The following VWF variants were observed in gnomAD, a reference collection of about 807,000 sequenced individuals.
VWF encodes the protein von Willebrand factor.
A neutral mutation model predicts 308.6 loss-of-function variants in VWF; 176 were observed. The observed-to-expected ratio is 0.57, with a 90% CI of 0.50 to 0.65. The LOEUF (loss-of-function observed/expected upper bound fraction) is 0.65, where lower values mean the gene tolerates loss of function less well. Among genes scored for constraint, VWF ranks in the 30% least tolerant of loss-of-function variants. The probability of loss-of-function intolerance (pLI) is 0.00; values close to 1 mark genes in which losing one functional copy is unlikely to be tolerated. For synonymous variants in VWF, 1,385 were observed against 1,443.4 expected (o/e 0.96, Z 0.92); for missense variants, 3,146 against 3,648.2 (o/e 0.86, Z 3.55).
rs1200446721 is a variant in VWF at position 6,036,353 on chromosome 12, C to T, written c.2546+35G>A. 4 of 1,605,440 alleles carry T rather than the reference C, an allele frequency of 2.5e-6. No individual in the cohort carries two copies. The African/African-American group carries it at 5.4e-5, about 21-fold the overall frequency. On this transcript the variant is annotated intron_variant, in intron 19 of 51. Coordinates refer to ENST00000261405, the MANE Select transcript of VWF (RefSeq NM_000552.5). ...TGCACCCTCACTCCACCCGCAGGGCCTGGGTCCCCGGCGCAGCCCCTCACT... is the reference window on the plus strand; with the variant it reads ...TGCACCCTCACTCCACCCGCAGGGCTTGGGTCCCCGGCGCAGCCCCTCACT...
intron 43 of VWF, among the ~76,000 whole-genome samples, chr12:5,972,500 G>C (rs936164429): frequency 2.0e-5 from 3 of 152,176 alleles, no homozygotes; most frequent in African/African-American, 7.2e-5. Flanking sequence ...GAGAGAAAGA[G>C]TAACCACAGC....
intron 20 of VWF, among the ~76,000 whole-genome samples, chr12:6,034,191 C>T (rs577813224): frequency 6.6e-6 from 1 of 152,214 alleles, no homozygotes; most frequent in East Asian, 1.9e-4. Flanking sequence ...AAAGCCATAT[C>T]GTGGGAAGCA....
chr12:6,043,464 C>G (rs1944413878), intron 18 of VWF, among the ~76,000 whole-genome samples: 1 of 152,222 alleles, frequency 6.6e-6, no homozygotes, highest in African/African-American at 2.4e-5. Context: ...CCTCACCATT[C>G]ACTTTGGGTA....
intron 18 of VWF, among the ~76,000 whole-genome samples, chr12:6,042,655 T>C (rs1179741502): frequency 6.6e-6 from 1 of 152,206 alleles, no homozygotes; most frequent in Admixed American, 6.5e-5. Context: ...GGTATCCAAG[T>C]GCTGTCCTCA....
chr12:6,038,758 A>G (rs1416812291), intron 18 of VWF, among the ~76,000 whole-genome samples: 2 of 152,266 alleles, frequency 1.3e-5, no homozygotes, highest in African/African-American at 4.8e-5. Context: ...CTTGATATTA[A>G]GTGAGGACTG....
rs780957241 is a variant in VWF, at chr12:6,056,888, C to T, written c.1914G>A (p.Val638=). 2 of 1,509,508 alleles carry T rather than the reference C, an allele frequency of 1.3e-6. No homozygotes were observed. The highest frequency in any genetic ancestry group is 2.5e-5 in the South Asian group (2 of 80,586). 93.5% of individuals were successfully genotyped at this position (1,509,508 alleles called of 1,614,324 possible). A position where few individuals can be genotyped will look rare whatever the true frequency, so the allele number is the denominator to read the frequency against. The change falls in exon 15 of 52, where the codon GTG becomes GTA. Residue 638 remains valine (V), a synonymous_variant. Transcript: ENST00000261405. Reference sequence around the variant, plus strand: ...GGCCTGGCTCGCGCCACGCGACGCGCACGCCTCTCCCCGCGCAGGCCGCGG... The same window carrying T: ...GGCCTGGCTCGCGCCACGCGACGCGTACGCCTCTCCCCGCGCAGGCCGCGG... ...SYAAACAGRG[V]RVAWREPGRC...
rs1195230967 is a variant in VWF at position 6,016,623 on chromosome 12, T to C, written c.5204A>G (p.Tyr1735Cys). The C allele has an allele frequency of 1.2e-6, 2 of 1,614,156 alleles. No homozygotes were observed. Among genetic ancestry groups the C allele is most frequent in the Admixed American group, 3.3e-5 (2 of 60,020 alleles). The change falls in exon 30 of 52, where the codon TAT becomes TGT. Residue 1735 changes from tyrosine to cysteine, a missense_variant. By Grantham distance (194) the Tyr-to-Cys change is radical (BLOSUM62 -2). Around this residue, in one of 3 missense-constraint regions of VWF, gnomAD observed 853 missense variants for 1,177.8 expected, o/e 0.72. Transcript: ENST00000261405. Reference sequence around the variant, plus strand: ...CACGTCAATGGTGGTGATGCTTCCATACTGCAGCACTGACACCTGAGTGAG... The same window carrying C: ...CACGTCAATGGTGGTGATGCTTCCACACTGCAGCACTGACACCTGAGTGAG... ...PRLTQVSVLQ[Y>C]GSITTIDVPW...
chr12:5,975,270 T>A (rs1162028197), intron 43 of VWF, among the ~76,000 whole-genome samples: 1 of 152,248 alleles, frequency 6.6e-6, no homozygotes, highest in Non-Finnish European at 1.5e-5. Context: ...GCCATTGACA[T>A]TTGCAAAAGC....
chr12:6,022,493 T>C (rs1944139861), intron 26 of VWF, among the ~76,000 whole-genome samples: 2 of 151,004 alleles, frequency 1.3e-5, no homozygotes, highest in South Asian at 4.2e-4. Context: ...GAAAGTTCTA[T>C]CGGCAGGGGC....
intron 31 of VWF, among the ~76,000 whole-genome samples, chr12:6,014,858 C>A (rs539008519): frequency 6.6e-6 from 1 of 152,150 alleles, no homozygotes; most frequent in African/African-American, 2.4e-5. Flanking sequence ...CATGAGAAAC[C>A]GAGGCTTTGG....
chr12:6,111,746 C>T (rs1479432332), intron 3 of VWF, among the ~76,000 whole-genome samples: 2 of 149,930 alleles, frequency 1.3e-5, no homozygotes, highest in Admixed American at 1.3e-4. Context: ...GTCAGGAGAT[C>T]GAGACCATCC....
chr12:5,996,575 A>G (rs1440509420), intron 34 of VWF, among the ~76,000 whole-genome samples: 1 of 152,162 alleles, frequency 6.6e-6, no homozygotes, highest in Admixed American at 6.5e-5. Context: ...CAGGGGTGTT[A>G]TGACTCGTGG....
intron 49 of VWF, 35 bp downstream of exon 49, chr12:5,952,356 G>A (rs1591828269): frequency 6.2e-7 from 1 of 1,613,050 alleles, no homozygotes; most frequent in Non-Finnish European, 8.5e-7. Context: ...CTTAGAGATT[G>A]AGACAGTAAA....
rs746457842 is a variant in VWF at position 6,019,744 on chromosome 12, C to T, written c.3675-1G>A. On this transcript the variant is annotated splice_acceptor_variant, in intron 27 of 51. Coordinates refer to ENST00000261405, the MANE Select transcript of VWF (RefSeq NM_000552.5). LOFTEE classifies it high-confidence loss of function. The surrounding 1 kb of genome is among the most constrained non-coding windows in gnomAD (Gnocchi z 5.8). ...GGTGAGGTTGACAACATCACAGTGG[C>T]TGCAGAAAAGAGCGAAGAAATTAAA... 15 of 1,611,436 alleles carry T rather than the reference C, an allele frequency of 9.3e-6. No homozygotes were observed. The highest frequency in any genetic ancestry group is 1.2e-5 in the Non-Finnish European group (14 of 1,178,858).
At chr12:6,110,727 G>A in intron 4 of VWF, 139 bp downstream of exon 4, 1 of 1,278,202 alleles carries the variant, frequency 7.8e-7, no homozygotes, top group Non-Finnish European at 1.1e-6. Flanking sequence ...CGGGAGAGCT[G>A]GCTCTCACCC....
rs112498375 is a variant in VWF at position 6,079,488 on chromosome 12, T to C, written c.658-3937A>G. On this transcript the variant is annotated intron_variant, in intron 6 of 51. Transcript: ENST00000261405. ...AGCCGGGCATGGTGGCGGGCACCTGTAGTCCCAGCTATTCGGGAGGCTGAG... is the reference window on the plus strand; with the variant it reads ...AGCCGGGCATGGTGGCGGGCACCTGCAGTCCCAGCTATTCGGGAGGCTGAG... Among the ~76,000 whole-genome samples, 342 of 152,014 alleles carry C rather than the reference T, an allele frequency of 2.2e-3. 3 individuals are homozygous for C. Among genetic ancestry groups the C allele is most frequent in the African/African-American group, 7.2e-3 (298 of 41,454 alleles).
chr12:6,087,329 G>C (rs1787022701), intron 6 of VWF, among the ~76,000 whole-genome samples: 1 of 150,410 alleles, frequency 6.6e-6, no homozygotes, highest in Non-Finnish European at 1.5e-5. Flanking sequence ...GAAGCGCCCA[G>C]CAAGGGTGTC....
At chr12:6,012,257 C>G (rs139871196) in intron 32 of VWF, 127 bp from the exon 33 acceptor site, 1 of 1,047,272 alleles carries the variant, frequency 9.5e-7, no homozygotes, top group East Asian at 2.4e-5. Context: ...AGAATCTGAA[C>G]AAGGTTAACA....
intron 42 of VWF, among the ~76,000 whole-genome samples, chr12:5,977,023 C>T (rs905316055): frequency 3.3e-5 from 5 of 152,154 alleles, no homozygotes; most frequent in Non-Finnish European, 5.9e-5. Flanking sequence ...CTGTGAATGT[C>T]ATAATAGCAG....
Sources: allele counts gnomAD v4.1 joint callset (sites outside exome capture counted in the v4.1 genomes callset), GRCh38; gene constraint gnomAD v4.1.1; regional missense constraint gnomAD v4.1.1; non-coding constraint Gnocchi (gnomAD v3.1); transcripts MANE v1.5; gene names NCBI Gene and HGNC (gene_info 2026-07-23, HGNC 2026-07-21).